Variants in ZFP1 observed in about 807,000 individuals in gnomAD.
ZFP1 encodes ZFP1 zinc finger protein.
Under a neutral mutation model 38.5 loss-of-function variants are expected in ZFP1, and 32 were observed. The observed-to-expected ratio is 0.83, with a 90% CI of 0.63 to 1.12. The LOEUF (loss-of-function observed/expected upper bound fraction) is 1.12, where lower values mean the gene tolerates loss of function less well. Ranked by LOEUF, ZFP1 falls within the 50% of genes most tolerant of loss-of-function variation. The pLI is 0.00. For missense variants in ZFP1, 616 were observed against 480.8 expected (o/e 1.28, Z -2.63); for synonymous variants, 245 against 168.8 (o/e 1.45, Z -3.50).
At chr16:75,124,418 T>C in the ZFP1 span, among the ~76,000 whole-genome samples, 5 of 150,454 alleles carry the variant, frequency 3.3e-5, no homozygotes, top group Non-Finnish European at 5.9e-5. Flanking sequence ...CCTCAGCCTC[T>C]TAAAGTGCTG....
At chr16:75,152,548 GA>G (rs879526804) in intron 1 of ZFP1, among the ~76,000 whole-genome samples, 6 of 152,178 alleles carry the variant, frequency 3.9e-5, no homozygotes, top group Non-Finnish European at 7.3e-5. Flanking sequence ...CATCTCTGCT[GA>G]AATTCCCTAT....
Position 75,170,532 on chromosome 16 carries a change from A to G in ZFP1, c.*198A>G. 2.6e-6 allele frequency: 2 copies of G among 768,714 alleles called. No homozygotes were observed. Among genetic ancestry groups the G allele is most frequent in the Non-Finnish European group, 3.7e-6 (2 of 536,740 alleles). The allele number at this position is 768,714 out of a possible 1,614,324, so 47.6% of individuals were successfully genotyped here. A position where few individuals can be genotyped will look rare whatever the true frequency, so the allele number is the denominator to read the frequency against. On this transcript the variant is annotated 3_prime_UTR_variant, in exon 4 of 4. Coordinates refer to ENST00000570010, the MANE Select transcript of ZFP1 (RefSeq NM_153688.4). The stretch of plus-strand genomic sequence containing the variant: ...GATACCCAGCTAAAGAATACATATC[A>G]GAATATATCCAGTTGTAAATAGCCA...
At chr16:75,136,396 G>T in the ZFP1 span, among the ~76,000 whole-genome samples, 3 of 152,188 alleles carry the variant, frequency 2.0e-5, no homozygotes, top group African/African-American at 7.2e-5. Context: ...ATGTATACTG[G>T]AACAATAGTC....
intron 2 of ZFP1, among the ~76,000 whole-genome samples, chr16:75,164,183 T>C (rs1031538030): frequency 2.0e-5 from 3 of 152,236 alleles, no homozygotes; most frequent in Non-Finnish European, 4.4e-5. Context: ...AAGTTTGTGT[T>C]GTTTTTAAAA....
intron 2 of ZFP1, among the ~76,000 whole-genome samples, chr16:75,153,711 C>T (rs936404472): frequency 1.3e-5 from 2 of 152,050 alleles, no homozygotes; most frequent in East Asian, 1.9e-4. Flanking sequence ...ACTTTAAAGA[C>T]CATAGTTTAC....
chr16:75,164,701 G>T (rs11863106), intron 2 of ZFP1, among the ~76,000 whole-genome samples: 7,455 of 152,152 alleles, frequency 0.049, 628 homozygotes, highest in African/African-American at 0.17. Flanking sequence ...CACAAGCTAA[G>T]AATGGTTTTT....
chr16:75,124,819 C>A, the ZFP1 span, among the ~76,000 whole-genome samples: 3 of 139,068 alleles, frequency 2.2e-5, no homozygotes, highest in African/African-American at 8.0e-5. Flanking sequence ...TAAAAGGAAC[C>A]AGGGAATAAA....
At chr16:75,167,927 C>T (rs1436039513) in intron 3 of ZFP1, among the ~76,000 whole-genome samples, 1 of 152,180 alleles carries the variant, frequency 6.6e-6, no homozygotes, top group Non-Finnish European at 1.5e-5. Context: ...AAACCCCTCT[C>T]TACTAAAAAT....
chr16:75,138,408 A>G, the ZFP1 span, among the ~76,000 whole-genome samples: 12 of 152,166 alleles, frequency 7.9e-5, no homozygotes, highest in Admixed American at 7.9e-4. Context: ...AAGGACAAAC[A>G]AAAGGAGTAA....
At chr16:75,161,757 A>AATATATATATGTATAT (rs1421384309) in intron 2 of ZFP1, among the ~76,000 whole-genome samples, 24 of 14,294 alleles carry the variant, frequency 1.7e-3, no homozygotes, top group African/African-American at 6.4e-3. Flanking sequence ...AGTTTTATGA[A>AATATATATATGTATAT]ATATATATAT....
chr16:75,119,394 ACTC>A, the ZFP1 span, among the ~76,000 whole-genome samples: 15 of 147,812 alleles, frequency 1.0e-4, no homozygotes, highest in Non-Finnish European at 2.1e-4. Flanking sequence ...TTGTTGTACA[ACTC>A]CTCTTTTTTT....
chr16:75,141,322 C>G, the ZFP1 span, among the ~76,000 whole-genome samples: 4,571 of 151,282 alleles, frequency 0.03, 232 homozygotes, highest in African/African-American at 0.11. Flanking sequence ...CCTGCCTCAG[C>G]CTCCCGAGTA....
At chr16:75,135,940 C>T in the ZFP1 span, among the ~76,000 whole-genome samples, 46 of 152,292 alleles carry the variant, frequency 3.0e-4, no homozygotes, top group African/African-American at 1.0e-3. Context: ...CTCAGCCTCC[C>T]GAGTAACTGG....
chr16:75,119,029 GTATGT>G, the ZFP1 span, among the ~76,000 whole-genome samples: 1 of 152,132 alleles, frequency 6.6e-6, no homozygotes, highest in Non-Finnish European at 1.5e-5. Flanking sequence ...TTCATCTTAC[GTATGT>G]TGAGTGACGT....
At chr16:75,150,959 C>G (rs767931584) in intron 1 of ZFP1, among the ~76,000 whole-genome samples, 2 of 151,960 alleles carry the variant, frequency 1.3e-5, no homozygotes, top group Non-Finnish European at 2.9e-5. Context: ...GGTGTGCGCC[C>G]TAATCCTTTT....
the ZFP1 span, among the ~76,000 whole-genome samples, chr16:75,123,611 G>A: frequency 6.7e-6 from 1 of 149,952 alleles, no homozygotes; most frequent in African/African-American, 2.4e-5. Context: ...CCAAGTAGCT[G>A]GGACTACAGA....
At chr16:75,139,562 C>T in the ZFP1 span, among the ~76,000 whole-genome samples, 1 of 151,830 alleles carries the variant, frequency 6.6e-6, no homozygotes, top group Non-Finnish European at 1.5e-5. Flanking sequence ...CATGGTGGCG[C>T]ACATGTGTGG....
chr16:75,159,408 C>CTT (rs2037650370), intron 2 of ZFP1, among the ~76,000 whole-genome samples: 1 of 34,080 alleles, frequency 2.9e-5, no homozygotes, highest in Non-Finnish European at 6.1e-5. Context: ...TCTCACTTTT[C>CTT]ATTTTTTTTT....
chr16:75,126,892 C>T, the ZFP1 span, among the ~76,000 whole-genome samples: 1 of 152,232 alleles, frequency 6.6e-6, no homozygotes, highest in Non-Finnish European at 1.5e-5. Context: ...CTTATTTGGT[C>T]TAAAAATTAT....
Sources: allele counts gnomAD v4.1 joint callset (sites outside exome capture counted in the v4.1 genomes callset), GRCh38; gene constraint gnomAD v4.1.1; transcripts MANE v1.5; gene names NCBI Gene and HGNC (gene_info 2026-07-23, HGNC 2026-07-21).